DPP10: variants seen among roughly 807,000 people sequenced by gnomAD.
DPP10 encodes dipeptidyl peptidase like 10, also known as inactive dipeptidyl peptidase 10.
A neutral mutation model predicts 120.9 loss-of-function variants in DPP10; 33 were observed. The observed-to-expected ratio is 0.27, with a 90% CI of 0.21 to 0.37. The LOEUF (loss-of-function observed/expected upper bound fraction) is 0.37, where lower values mean the gene tolerates loss of function less well. DPP10 is among the 10% of genes least tolerant of loss of function. The pLI, the probability that DPP10 is intolerant of heterozygous loss-of-function variation, is 1.00. For missense variants in DPP10, 816 were observed against 942.8 expected, an observed-to-expected ratio of 0.87 and a Z score of 1.76; for synonymous variants, 337 against 326.1, an observed-to-expected ratio of 1.03 and a Z score of -0.36.
intron 1 of DPP10, among the ~76,000 whole-genome samples, chr2:115,029,230 T>C (rs62164489): frequency 0.069 from 10,532 of 152,046 alleles, 536 homozygotes; most frequent in Non-Finnish European, 0.093. Context: ...CTGTTTTAAA[T>C]TTGTTGCTTT....
At chr2:114,687,663 T>A (rs1310179002) in intron 1 of DPP10, among the ~76,000 whole-genome samples, 2 of 151,974 alleles carry the variant, frequency 1.3e-5, no homozygotes, top group Non-Finnish European at 2.9e-5. Context: ...TGGGAATCCC[T>A]GAGAACTGGG....
rs200232528 is a variant in DPP10, at chr2:114,718,086, CA to C, written c.60+275258del. 9.6e-4 allele frequency among the ~76,000 whole-genome samples: 137 copies of C among 142,434 alleles called. 1 individual carries two copies. Among genetic ancestry groups the C allele is most frequent in the Admixed American group, 6.9e-3 (99 of 14,266 alleles). 93.4% of individuals were successfully genotyped at this position (142,434 alleles called of 152,430 possible). ...AATAGTTTGTTATCTAAAATAATAA[CA>C]AAAAAAAAACAGGGACTCCATAGTT... On this transcript the variant is annotated intron_variant, in intron 1 of 25. Transcript: ENST00000410059.
chr2:114,902,989 A>C (rs1020043826), intron 1 of DPP10, among the ~76,000 whole-genome samples: 8 of 152,114 alleles, frequency 5.3e-5, no homozygotes. Flanking sequence ...AGAAACCACT[A>C]ATCTTTTTAT....
intron 9 of DPP10, among the ~76,000 whole-genome samples, chr2:115,740,894 G>A (rs1004026673): frequency 1.7e-4 from 26 of 152,136 alleles, no homozygotes; most frequent in African/African-American, 5.8e-4. Context: ...TTAAGTAAGA[G>A]AGGATGTTGA....
intron 5 of DPP10, among the ~76,000 whole-genome samples, chr2:115,673,895 G>A (rs2090085147): frequency 6.6e-6 from 1 of 152,076 alleles, no homozygotes; most frequent in South Asian, 2.1e-4. Context: ...AAAATTTGAA[G>A]AACGTCAGAG....
chr2:115,542,472 C>A (rs2079232585), intron 5 of DPP10, among the ~76,000 whole-genome samples: 1 of 151,778 alleles, frequency 6.6e-6, no homozygotes. Flanking sequence ...AAGGAAGATG[C>A]CATTAAAAAG....
chr2:115,498,820 C>A (rs773601582), intron 3 of DPP10, among the ~76,000 whole-genome samples: 1 of 151,478 alleles, frequency 6.6e-6, no homozygotes, highest in East Asian at 1.9e-4. Context: ...AATTTTCTAA[C>A]AAATATGGCC....
At chr2:115,165,174 AT>A (rs1285245592) in intron 1 of DPP10, among the ~76,000 whole-genome samples, 1 of 152,182 alleles carries the variant, frequency 6.6e-6, no homozygotes, top group Non-Finnish European at 1.5e-5. Flanking sequence ...GCAGAGTACT[AT>A]TCTTAGGGTT....
At chr2:114,902,914 A>T (rs535542275) in intron 1 of DPP10, among the ~76,000 whole-genome samples, 1 of 152,258 alleles carries the variant, frequency 6.6e-6, no homozygotes, top group African/African-American at 2.4e-5. Flanking sequence ...TTTAAACAGA[A>T]TATTTTCACT....
chr2:115,570,674 G>T (rs62156704), intron 5 of DPP10, among the ~76,000 whole-genome samples: 73,372 of 152,066 alleles, frequency 0.48, 21,447 homozygotes, highest in Middle Eastern at 0.66. Context: ...GCCAATTAAA[G>T]GGAAAAAGTG....
Position 115,047,919 on chromosome 2 carries a change from G to T in DPP10, c.61-261320G>T, listed in dbSNP as rs527945101. ...CTCAGTCCTCCATTTGTCATGAATT[G>T]TTCTCTCACCTACTGTTCCCACAGT... On this transcript the variant is annotated intron_variant, in intron 1 of 25. Transcript: ENST00000410059. 3.9e-5 allele frequency among the ~76,000 whole-genome samples: 6 copies of T among 152,104 alleles called. No homozygotes were observed. The East Asian group carries it at 5.8e-4, about 15-fold the overall frequency.
chr2:115,076,763 G>A (rs1006779039), intron 1 of DPP10, among the ~76,000 whole-genome samples: 1 of 152,150 alleles, frequency 6.6e-6, no homozygotes, highest in African/African-American at 2.4e-5. Flanking sequence ...ATGGATGTTA[G>A]ATTGTTTATA....
intron 1 of DPP10, among the ~76,000 whole-genome samples, chr2:115,282,930 T>G (rs986578981): frequency 6.6e-6 from 1 of 152,122 alleles, no homozygotes; most frequent in Non-Finnish European, 1.5e-5. Flanking sequence ...TTTTACTGAC[T>G]GTTTGCTTTT....
chr2:115,671,203 A>G (rs2089846607), intron 5 of DPP10, among the ~76,000 whole-genome samples: 1 of 152,042 alleles, frequency 6.6e-6, no homozygotes, highest in Non-Finnish European at 1.5e-5. Context: ...AAATTCATAT[A>G]GGTTTTTAAC....
chr2:114,709,265 G>A (rs1170537092), intron 1 of DPP10, among the ~76,000 whole-genome samples: 3 of 152,062 alleles, frequency 2.0e-5, no homozygotes, highest in Admixed American at 6.6e-5. Context: ...CATCTCTTCC[G>A]TGATCTACCT....
chr2:114,521,251 GACACACACAC>G (rs60539029), intron 1 of DPP10, among the ~76,000 whole-genome samples: 25 of 144,504 alleles, frequency 1.7e-4, no homozygotes, highest in Non-Finnish European at 2.4e-4. Context: ...CACATGCACA[GACACACACAC>G]ACACACACAC....
chr2:115,573,581 C>CTTTTT (rs767336910), intron 5 of DPP10, among the ~76,000 whole-genome samples: 15 of 70,268 alleles, frequency 2.1e-4, no homozygotes, highest in East Asian at 4.5e-4. Flanking sequence ...TGCGCCCGGC[C>CTTTTT]TTTTTTTTTT....
At chr2:115,250,226 T>C (rs1451186847) in intron 1 of DPP10, among the ~76,000 whole-genome samples, 1 of 152,206 alleles carries the variant, frequency 6.6e-6, no homozygotes, top group Non-Finnish European at 1.5e-5. Context: ...TTAATGATTT[T>C]GTAAAACAGA....
chr2:115,505,708 A>G (rs760648055), intron 4 of DPP10, among the ~76,000 whole-genome samples: 2 of 152,174 alleles, frequency 1.3e-5, no homozygotes, highest in African/African-American at 4.8e-5. Flanking sequence ...AGAAATTTTT[A>G]AAAATACTGG....
Sources: allele counts gnomAD v4.1 joint callset (sites outside exome capture counted in the v4.1 genomes callset), GRCh38; gene constraint gnomAD v4.1.1; transcripts MANE v1.5; gene names NCBI Gene and HGNC (gene_info 2026-07-23, HGNC 2026-07-21).